Variants in GRK3 observed in about 807,000 individuals in gnomAD.
GRK3 encodes the protein G protein-coupled receptor kinase 3.
In GRK3, 54 loss-of-function variants were observed where a neutral mutation model predicts 95.7. The ratio of observed to expected loss-of-function variants is 0.56; its 90% CI spans 0.45 to 0.71. The LOEUF (loss-of-function observed/expected upper bound fraction) is 0.71. Ranked by LOEUF, GRK3 falls within the 30% of genes least tolerant of loss-of-function variation. GRK3 has a pLI of 0.00. For synonymous variants in GRK3, 281 were observed against 290.8 expected (o/e 0.97, Z 0.34); for missense variants, 649 against 851.2 (o/e 0.76, Z 2.96).
intron 5 of GRK3, among the ~76,000 whole-genome samples, chr22:25,667,220 TA>T (rs199612099): frequency 0.017 from 2,647 of 152,148 alleles, 77 homozygotes; most frequent in African/African-American, 0.061. Flanking sequence ...AATAGCTAAT[TA>T]AAAAAAATTT....
At chr22:25,612,040 C>T (rs2084501881) in intron 2 of GRK3, among the ~76,000 whole-genome samples, 1 of 151,902 alleles carries the variant, frequency 6.6e-6, no homozygotes, top group Non-Finnish European at 1.5e-5. Context: ...ACCACATGGC[C>T]CAGGCTGGTC....
At chr22:25,653,515 A>G (rs533118002) in intron 3 of GRK3, among the ~76,000 whole-genome samples, 11 of 152,336 alleles carry the variant, frequency 7.2e-5, no homozygotes, top group African/African-American at 2.6e-4. Flanking sequence ...TAAAGCAAAA[A>G]TTGGCAGATA....
At chr22:25,673,115 G>A (rs1302686079) in intron 7 of GRK3, among the ~76,000 whole-genome samples, 2 of 143,068 alleles carry the variant, frequency 1.4e-5, no homozygotes, top group Non-Finnish European at 3.0e-5. Context: ...AGGCTGGAAT[G>A]TAGTGGCGCG....
At chr22:25,691,219 A>T (rs577505551) in intron 12 of GRK3, among the ~76,000 whole-genome samples, 1 of 152,164 alleles carries the variant, frequency 6.6e-6, no homozygotes, top group Non-Finnish European at 1.5e-5. Flanking sequence ...GTCTTTTTAG[A>T]TGTCTCCTCC....
At chr22:25,628,916 C>G (rs1201819619) in intron 2 of GRK3, among the ~76,000 whole-genome samples, 1 of 152,096 alleles carries the variant, frequency 6.6e-6, no homozygotes, top group African/African-American at 2.4e-5. Context: ...GTGACATACC[C>G]CACTTCCCTG....
At chr22:25,660,156 A>G (rs1282217824) in intron 3 of GRK3, among the ~76,000 whole-genome samples, 2 of 152,202 alleles carry the variant, frequency 1.3e-5, no homozygotes, top group Non-Finnish European at 2.9e-5. Context: ...CAAGCCAAAA[A>G]TCTTTGATTT....
chr22:25,575,343 A>G (rs183836495), intron 1 of GRK3, among the ~76,000 whole-genome samples: 36 of 152,366 alleles, frequency 2.4e-4, no homozygotes, highest in African/African-American at 8.4e-4. Context: ...TGGAGCAGAT[A>G]GAAACAGCAG....
In GRK3 at chr22:25,630,458, T is replaced by A. The variant is rs1007876383; in HGVS notation, c.191-14134T>A. On this transcript the variant is annotated intron_variant, in intron 2 of 20. Transcript: ENST00000324198. ...CAGAGAACTGTGATAAATGAAAAAA[T>A]TGAGTGCAATCTGGAGAGGAGTATT... Among the ~76,000 whole-genome samples, 5 of 152,290 alleles carry A rather than the reference T, an allele frequency of 3.3e-5. No homozygotes were observed. In the East Asian group the frequency reaches 7.7e-4, roughly 23 times the overall value.
chr22:25,712,893 C>G (rs1015935944), intron 17 of GRK3, among the ~76,000 whole-genome samples: 1 of 152,218 alleles, frequency 6.6e-6, no homozygotes, highest in African/African-American at 2.4e-5. Context: ...AAGCCCAGGT[C>G]CTGCTCCCGT....
At chr22:25,688,067 T>C (rs1056131487) in intron 11 of GRK3, among the ~76,000 whole-genome samples, 6 of 151,922 alleles carry the variant, frequency 3.9e-5, no homozygotes, top group African/African-American at 4.8e-5. Flanking sequence ...AAACCCCGTC[T>C]CTACTAAAAA....
intron 19 of GRK3, among the ~76,000 whole-genome samples, 183 bp from the exon 20 acceptor site, chr22:25,721,101 T>TA (rs761770044): frequency 5.3e-5 from 8 of 152,242 alleles, no homozygotes; most frequent in Non-Finnish European, 1.2e-4. Context: ...CTTGAAACAT[T>TA]ATAATTTGAA....
intron 1 of GRK3, among the ~76,000 whole-genome samples, chr22:25,583,903 C>T (rs1219701717): frequency 2.0e-5 from 3 of 152,146 alleles, no homozygotes; most frequent in Non-Finnish European, 4.4e-5. Context: ...CATATTTCAA[C>T]CCCAAATTTG....
At chr22:25,660,331 C>G (rs923695241) in intron 3 of GRK3, among the ~76,000 whole-genome samples, 1 of 152,154 alleles carries the variant, frequency 6.6e-6, no homozygotes, top group Non-Finnish European at 1.5e-5. Flanking sequence ...TGGACTGATT[C>G]TTCATAAAGA....
At position 25,727,607 on chromosome 22, in the gene GRK3, T is replaced by C. The variant is rs902487481; in HGVS notation, c.*5157T>C. On this transcript the variant is annotated 3_prime_UTR_variant, in exon 21 of 21. Coordinates refer to ENST00000324198, the MANE Select transcript of GRK3 (RefSeq NM_005160.4). ...GAGTATACGCATTTCATCAAACACA[T>C]ATAGGGGAAAAAATCCTTCAATTTA... 6.6e-6 allele frequency: 1 copy of C among 152,176 alleles called. No homozygotes were observed. Among genetic ancestry groups the C allele is most frequent in the Non-Finnish European group, 1.5e-5 (1 of 68,036 alleles). The allele number at this position is 152,176 out of a possible 1,614,324, so 9.4% of individuals were successfully genotyped here.
At chr22:25,652,607 A>G (rs6004731) in intron 3 of GRK3, among the ~76,000 whole-genome samples, 414 of 152,304 alleles carry the variant, frequency 2.7e-3, no homozygotes, top group African/African-American at 9.5e-3. Context: ...TAATTTTAGT[A>G]TAAGTAATAA....
intron 2 of GRK3, among the ~76,000 whole-genome samples, chr22:25,607,508 T>A (rs1332702596): frequency 6.6e-6 from 1 of 152,144 alleles, no homozygotes; most frequent in African/African-American, 2.4e-5. Context: ...AATTGGGTCC[T>A]GTGTGTTGTA....
At chr22:25,632,831 T>A (rs1471026928) in intron 2 of GRK3, among the ~76,000 whole-genome samples, 1 of 151,632 alleles carries the variant, frequency 6.6e-6, no homozygotes, top group African/African-American at 2.4e-5. Context: ...TGGACTGTAT[T>A]CTTTTTCATT....
chr22:25,725,714 A>T lies in GRK3; in HGVS notation c.*3264A>T, dbSNP rs189347671. On this transcript the variant is annotated 3_prime_UTR_variant, in exon 21 of 21. Coordinates refer to ENST00000324198, the MANE Select transcript of GRK3 (RefSeq NM_005160.4). ...ATAATCCCAGCACTTTGGGAGGCCG[A>T]GAGGGGCGGTTCACGAGGTCAGGAG... is the stretch of plus-strand genomic sequence containing the variant. 1 of 398,248 alleles carries T rather than the reference A, an allele frequency of 2.5e-6. No individual in the cohort carries two copies. Among genetic ancestry groups the T allele is most frequent in the Admixed American group, 4.4e-5 (1 of 22,730 alleles). 24.7% of individuals were successfully genotyped at this position (398,248 alleles called of 1,614,324 possible). A position where few individuals can be genotyped will look rare whatever the true frequency, so the allele number is the denominator to read the frequency against.
intron 2 of GRK3, among the ~76,000 whole-genome samples, chr22:25,641,928 A>T (rs2084746209): frequency 6.6e-6 from 1 of 152,238 alleles, no homozygotes; most frequent in South Asian, 2.1e-4. Context: ...ACAGTGGTCC[A>T]TGTGTGGTAT....
Sources: gnomAD v4.1 joint callset for allele counts (sites outside exome capture counted in the v4.1 genomes callset) on GRCh38, gnomAD v4.1.1 for gene constraint, MANE v1.5 for transcripts, NCBI Gene and HGNC (gene_info 2026-07-23, HGNC 2026-07-21) for gene names.